Variants in DPP10 observed in about 807,000 individuals in gnomAD.
DPP10 encodes the protein dipeptidyl peptidase like 10.
In DPP10, 33 loss-of-function variants were observed where a neutral mutation model predicts 120.9. The ratio of observed to expected loss-of-function variants is 0.27; its 90% CI spans 0.21 to 0.37. DPP10 has a LOEUF of 0.37. Ranked by LOEUF, DPP10 falls within the 10% of genes least tolerant of loss-of-function variation. DPP10 has a pLI of 1.00. For missense variants in DPP10, 816 were observed against 942.8 expected, an observed-to-expected ratio of 0.87 and a Z score of 1.76; for synonymous variants, 337 against 326.1, an observed-to-expected ratio of 1.03 and a Z score of -0.36.
At chr2:114,836,015 C>T (rs900193913) in intron 1 of DPP10, among the ~76,000 whole-genome samples, 1 of 152,134 alleles carries the variant, frequency 6.6e-6, no homozygotes, top group Admixed American at 6.6e-5. Flanking sequence ...AAACAAGTCA[C>T]CTGTGGATGT....
rs547632687 is a variant in DPP10 at position 115,686,774 on chromosome 2, C to A, written c.442-2913C>A. On this transcript the variant is annotated intron_variant, in intron 5 of 25. Transcript: ENST00000410059. ...ATATGGTATATTGGAATTCTGTCCA[C>A]TCCCACTGCCTTTTCCATAACTATT... Among the ~76,000 whole-genome samples the A allele has an allele frequency of 3.9e-5, 6 of 152,156 alleles. No individual in the cohort carries two copies. The South Asian group carries it at 1.2e-3, about 32-fold the overall frequency.
intron 1 of DPP10, among the ~76,000 whole-genome samples, chr2:114,992,772 A>G (rs1558963750): frequency 6.6e-6 from 1 of 152,232 alleles, no homozygotes; most frequent in Non-Finnish European, 1.5e-5. Flanking sequence ...GAAAAAGCAA[A>G]CATAACTAAA....
chr2:115,338,116 T>C (rs1290334152), intron 2 of DPP10, among the ~76,000 whole-genome samples: 1 of 152,088 alleles, frequency 6.6e-6, no homozygotes, highest in Non-Finnish European at 1.5e-5. Flanking sequence ...AATAAATGTA[T>C]TAATGTGCCA....
At chr2:115,173,285 T>C (rs1436556815) in intron 1 of DPP10, among the ~76,000 whole-genome samples, 1 of 152,158 alleles carries the variant, frequency 6.6e-6, no homozygotes, top group African/African-American at 2.4e-5. Context: ...GATTAGCTGC[T>C]TGGACTCAGA....
intron 1 of DPP10, among the ~76,000 whole-genome samples, chr2:114,795,674 T>G (rs1683646182): frequency 6.6e-6 from 1 of 152,184 alleles, no homozygotes. Context: ...TTTAAATGTT[T>G]AGAGATTTGT....
At chr2:115,129,994 T>A (rs2050257319) in intron 1 of DPP10, among the ~76,000 whole-genome samples, 1 of 152,190 alleles carries the variant, frequency 6.6e-6, no homozygotes, top group Non-Finnish European at 1.5e-5. Context: ...GTCTTCAATA[T>A]TTCTCTTTCT....
intron 19 of DPP10, among the ~76,000 whole-genome samples, chr2:115,801,733 G>A (rs925035604): frequency 1.6e-4 from 24 of 152,036 alleles, no homozygotes; most frequent in Non-Finnish European, 2.6e-4. Flanking sequence ...GCTGGATTAC[G>A]TTTATTGATT....
chr2:114,662,206 A>C (rs762670239), intron 1 of DPP10, among the ~76,000 whole-genome samples: 4 of 152,116 alleles, frequency 2.6e-5, no homozygotes, highest in Non-Finnish European at 5.9e-5. Flanking sequence ...CGAGAGGCGG[A>C]GGTCGCACAG....
intron 1 of DPP10, among the ~76,000 whole-genome samples, chr2:114,913,197 C>T (rs1694508540): frequency 6.6e-6 from 1 of 152,194 alleles, no homozygotes; most frequent in Admixed American, 6.5e-5. Context: ...TGTAAGTGGG[C>T]ATCCACCAGC....
At chr2:114,758,544 A>G (rs1486143389) in intron 1 of DPP10, among the ~76,000 whole-genome samples, 1 of 152,170 alleles carries the variant, frequency 6.6e-6, no homozygotes, top group Non-Finnish European at 1.5e-5. Context: ...GGCCTATATT[A>G]CTCATGACAT....
chr2:115,173,452 C>G (rs1185400909), intron 1 of DPP10, among the ~76,000 whole-genome samples: 4 of 152,066 alleles, frequency 2.6e-5, no homozygotes, highest in Admixed American at 2.0e-4. Flanking sequence ...CATTCTGTAA[C>G]AAGAAAAAGG....
At chr2:114,969,237 A>C (rs962280892) in intron 1 of DPP10, among the ~76,000 whole-genome samples, 1 of 152,194 alleles carries the variant, frequency 6.6e-6, no homozygotes. Flanking sequence ...ATTACAGTAA[A>C]TGTGTGACGT....
intron 1 of DPP10, among the ~76,000 whole-genome samples, chr2:115,125,975 G>C (rs774281469): frequency 2.6e-5 from 4 of 152,094 alleles, no homozygotes; most frequent in Non-Finnish European, 5.9e-5. Flanking sequence ...AATTGAGATC[G>C]TGTATATATT....
At chr2:114,581,391 G>A (rs1278051618) in intron 1 of DPP10, among the ~76,000 whole-genome samples, 1 of 151,834 alleles carries the variant, frequency 6.6e-6, no homozygotes, top group African/African-American at 2.4e-5. Context: ...CACCGTGTTA[G>A]CCAGGATGGT....
chr2:114,781,929 T>G (rs10167728), intron 1 of DPP10, among the ~76,000 whole-genome samples: 1 of 152,112 alleles, frequency 6.6e-6, no homozygotes, highest in Non-Finnish European at 1.5e-5. Context: ...TAAAAACATA[T>G]AAGGTGTTTT....
intron 1 of DPP10, among the ~76,000 whole-genome samples, chr2:114,947,522 A>T (rs1330221266): frequency 1.3e-5 from 2 of 151,964 alleles, no homozygotes; most frequent in Admixed American, 1.3e-4. Context: ...AAGTTCCGTC[A>T]TATTGGTCAC....
At chr2:115,184,092 C>T (rs1163431031) in intron 1 of DPP10, among the ~76,000 whole-genome samples, 2 of 152,130 alleles carry the variant, frequency 1.3e-5, no homozygotes, top group Non-Finnish European at 2.9e-5. Flanking sequence ...ATAGGGAACT[C>T]AACGACTTCT....
intron 1 of DPP10, among the ~76,000 whole-genome samples, chr2:114,803,411 G>T (rs1684439296): frequency 6.6e-6 from 1 of 152,346 alleles, no homozygotes; most frequent in South Asian, 2.1e-4. Context: ...TGGAACTTGG[G>T]TAAGAGGTAG....
chr2:115,229,297 TG>T (rs1378238174), intron 1 of DPP10, among the ~76,000 whole-genome samples: 1 of 152,194 alleles, frequency 6.6e-6, no homozygotes, highest in Admixed American at 6.5e-5. Flanking sequence ...ATGGATAGTC[TG>T]AAAATCTGTT....
Sources: allele counts gnomAD v4.1 joint callset (sites outside exome capture counted in the v4.1 genomes callset), GRCh38; gene constraint gnomAD v4.1.1; transcripts MANE v1.5; gene names NCBI Gene and HGNC (gene_info 2026-07-23, HGNC 2026-07-21).